MAD1L1: variants seen among roughly 807,000 people sequenced by gnomAD.
MAD1L1 encodes the protein mitotic arrest deficient 1 like 1.
Under a neutral mutation model 96.9 loss-of-function variants are expected in MAD1L1, and 95 were observed. That is an observed-to-expected ratio of 0.98 (90% CI 0.83 to 1.16). MAD1L1 has a LOEUF of 1.16. Among genes scored for constraint, MAD1L1 ranks in the 50% most tolerant of loss-of-function variants. The pLI is 0.00. For synonymous variants in MAD1L1, 473 were observed against 396.6 expected, an observed-to-expected ratio of 1.19 and a Z score of -2.29; for missense variants, 1,007 against 954.4, an observed-to-expected ratio of 1.06 and a Z score of -0.73.
Position 1,898,376 on chromosome 7 carries a change from C to T in MAD1L1, c.1822G>A (p.Val608Met), listed in dbSNP as rs368215845. ...TGGTTCTTCAGCTCGGCACTCTCCA[C>T]CTGCTTCTTCAGCTCTGCGGGAGGG... is the stretch of plus-strand genomic sequence containing the variant. ...SKEVAELKKQ[V>M]ESAELKNQRL... The change falls in exon 18 of 19, where the codon GTG (valine) becomes ATG (methionine). Residue 608 changes from valine (V) to methionine (M), a missense_variant. Transcript: ENST00000265854. The T allele has an allele frequency of 1.9e-5, 30 of 1,613,788 alleles. No individual in the cohort carries two copies. Among genetic ancestry groups the T allele is most frequent in the Non-Finnish European group, 2.5e-5 (29 of 1,179,972 alleles).
intron 11 of MAD1L1, among the ~76,000 whole-genome samples, chr7:2,073,769 G>A (rs1168374577): frequency 2.0e-5 from 3 of 152,252 alleles, no homozygotes; most frequent in Non-Finnish European, 4.4e-5. Flanking sequence ...CCGCCAGGTT[G>A]TGAAGCAAAC....
At position 2,076,946 on chromosome 7, in the gene MAD1L1, A is replaced by AGTGAGCCCGCGGCACG. The variant is rs1405875189; in HGVS notation, c.1074-7624_1074-7609dup. Reference sequence around the variant, plus strand: ...GGTCAGCCCGAGACAGTTATGGCACAGTGAGCCCGCGGCACGGTGAGCCCG... The same window carrying AGTGAGCCCGCGGCACG: ...GGTCAGCCCGAGACAGTTATGGCACAGTGAGCCCGCGGCACGGTGAGCCCGCGGCACGGTGAGCCCG... On this transcript the variant is annotated intron_variant, in intron 11 of 18. Coordinates refer to ENST00000265854, the MANE Select transcript of MAD1L1 (RefSeq NM_001013836.2). 3.4e-5 allele frequency among the ~76,000 whole-genome samples: 5 copies of AGTGAGCCCGCGGCACG among 146,194 alleles called. No individual in the cohort carries two copies. The East Asian group carries it at 6.2e-4, about 18-fold the overall frequency.
At chr7:2,120,836 G>A (rs941931046) in intron 11 of MAD1L1, among the ~76,000 whole-genome samples, 6 of 152,210 alleles carry the variant, frequency 3.9e-5, no homozygotes, top group South Asian at 2.1e-4. Context: ...AGCTGCTTCC[G>A]TTTCCAAGGC....
intron 18 of MAD1L1, chr7:1,846,765 C>T (rs1405291627): frequency 5.2e-5 from 9 of 172,792 alleles, no homozygotes; most frequent in Non-Finnish European, 1.1e-4. Context: ...CGCTCCCCCT[C>T]ATAGGAGCCA....
rs116518181 is a variant in MAD1L1, at chr7:1,863,618, T to G, written c.1998+34582A>C. Among the ~76,000 whole-genome samples the G allele has an allele frequency of 5.4e-3, 821 of 152,302 alleles. 11 individuals carry two copies. The highest frequency in any genetic ancestry group is 0.019 in the African/African-American group (796 of 41,564). On this transcript the variant is annotated intron_variant, in intron 18 of 18. Transcript: ENST00000265854. ...ACTTGGGCTTGCAGAGACCGTCACC[T>G]GCCCACACCCCACGCGCTGGGCTCA...
At chr7:2,089,591 T>G (rs2128544106) in intron 11 of MAD1L1, among the ~76,000 whole-genome samples, 1 of 151,190 alleles carries the variant, frequency 6.6e-6, no homozygotes, top group East Asian at 1.9e-4. Context: ...CACCTGTCCC[T>G]GGGGCCCACC....
At chr7:1,844,791 C>T (rs940750710) in intron 18 of MAD1L1, among the ~76,000 whole-genome samples, 4 of 152,198 alleles carry the variant, frequency 2.6e-5, no homozygotes, top group Admixed American at 6.5e-5. Flanking sequence ...TGGAGGGGCG[C>T]GTGGGTACAG....
intron 17 of MAD1L1, among the ~76,000 whole-genome samples, chr7:1,909,894 G>A (rs1469406473): frequency 6.6e-6 from 1 of 152,166 alleles, no homozygotes; most frequent in African/African-American, 2.4e-5. Flanking sequence ...CACTCGCCCT[G>A]GAATTACACA....
intron 16 of MAD1L1, among the ~76,000 whole-genome samples, chr7:1,955,754 G>A (rs753931395): frequency 8.5e-5 from 13 of 152,116 alleles, no homozygotes; most frequent in Non-Finnish European, 1.5e-4. Flanking sequence ...TTGCCTACTG[G>A]TTGTTGGGCA....
intron 15 of MAD1L1, among the ~76,000 whole-genome samples, chr7:1,959,027 G>A (rs1779843922): frequency 2.0e-5 from 3 of 152,188 alleles, no homozygotes. Flanking sequence ...CAAGGCAGCT[G>A]GATCGCTTGA....
chr7:1,930,437 A>G (rs1389126061), intron 17 of MAD1L1, among the ~76,000 whole-genome samples: 2 of 8,060 alleles, frequency 2.5e-4, no homozygotes, highest in East Asian at 4.5e-3. Context: ...CCCCGTCCCC[A>G]CTGCCACGTC....
intron 12 of MAD1L1, among the ~76,000 whole-genome samples, chr7:2,065,664 C>T (rs943629016): frequency 4.6e-5 from 7 of 152,138 alleles, no homozygotes; most frequent in African/African-American, 1.4e-4. Context: ...TCCCAGTGTG[C>T]GGGTTCCCAG....
intron 16 of MAD1L1, among the ~76,000 whole-genome samples, chr7:1,943,778 G>C (rs1779106563): frequency 1.3e-5 from 2 of 151,914 alleles, no homozygotes; most frequent in African/African-American, 4.8e-5. Flanking sequence ...ACTCGTCCGT[G>C]AATGTTCAGG....
chr7:2,158,784 C>T (rs1261112853), intron 10 of MAD1L1, among the ~76,000 whole-genome samples: 2 of 152,168 alleles, frequency 1.3e-5, no homozygotes, highest in African/African-American at 4.8e-5. Flanking sequence ...TGGTGTTTTC[C>T]TGAAGACAGG....
chr7:1,938,956 G>A (rs530965759), intron 16 of MAD1L1, among the ~76,000 whole-genome samples: 240 of 110,514 alleles, frequency 2.2e-3, no homozygotes, highest in Admixed American at 4.2e-3. Flanking sequence ...GACCAGAGGC[G>A]CACACACACG....
chr7:1,913,379 G>A (rs1053102641), intron 17 of MAD1L1, among the ~76,000 whole-genome samples: 8 of 151,930 alleles, frequency 5.3e-5, no homozygotes, highest in African/African-American at 1.7e-4. Flanking sequence ...TGGGGTGGGG[G>A]ATCCATCAGG....
At chr7:2,069,071 G>A in intron 12 of MAD1L1, 123 bp downstream of exon 12, 1 of 1,321,888 alleles carries the variant, frequency 7.6e-7, no homozygotes, top group Non-Finnish European at 1.0e-6. Flanking sequence ...GCAACCCAGG[G>A]CCAAAGTGCC....
intron 11 of MAD1L1, 69 bp downstream of exon 11, chr7:2,149,083 C>T: frequency 1.4e-6 from 2 of 1,391,070 alleles, no homozygotes; most frequent in Non-Finnish European, 2.0e-6. Flanking sequence ...AGGGGGCACA[C>T]ACTCTCACTC....
intron 11 of MAD1L1, among the ~76,000 whole-genome samples, chr7:2,137,655 G>A (rs550156167): frequency 2.0e-5 from 3 of 152,294 alleles, no homozygotes; most frequent in East Asian, 3.9e-4. Flanking sequence ...GGCACTGCCT[G>A]AAAACCTCAG....
Sources: allele counts gnomAD v4.1 joint callset (sites outside exome capture counted in the v4.1 genomes callset), GRCh38; gene constraint gnomAD v4.1.1; transcripts MANE v1.5; gene names NCBI Gene and HGNC (gene_info 2026-07-23, HGNC 2026-07-21).